Variants in APBB3 observed in about 807,000 individuals in gnomAD.
APBB3 encodes the protein amyloid beta precursor protein binding family B member 3.
In APBB3, 50 loss-of-function variants were observed where a neutral mutation model predicts 61.5. The observed-to-expected ratio is 0.81, with a 90% confidence interval of 0.65 to 1.03. The LOEUF (loss-of-function observed/expected upper bound fraction) is 1.03. Ranked by LOEUF, APBB3 falls within the 50% of genes least tolerant of loss-of-function variation. The pLI is 0.00. For synonymous variants in APBB3, 235 were observed against 233.0 expected (o/e 1.01, Z -0.08); for missense variants, 550 against 637.4 (o/e 0.86, Z 1.48).
chr5:140,562,738 A>T lies in APBB3; in HGVS notation c.291-15T>A. 6.2e-7 allele frequency: 1 copy of T among 1,614,104 alleles called. No homozygotes were observed. Among genetic ancestry groups the T allele is most frequent in the Non-Finnish European group, 8.5e-7 (1 of 1,179,936 alleles). ...ACAGAGAGTTACTGAAACAGAGCAG[A>T]GCTGTTAAGAGGACCACATTTCCTA... On this transcript the variant is annotated splice_polypyrimidine_tract_variant and intron_variant, in intron 3 of 12. Coordinates refer to ENST00000357560, the MANE Select transcript of APBB3 (RefSeq NM_133173.3).
intron 6 of APBB3, 60 bp from the exon 7 acceptor site, chr5:140,561,909 C>T (rs763819742): frequency 3.1e-6 from 5 of 1,612,980 alleles, no homozygotes; most frequent in African/African-American, 1.3e-5. Context: ...GGACTCTCCC[C>T]AAACTGTCCC....
Position 140,562,413 on chromosome 5 carries a change from A to G in APBB3, c.438T>C (p.Cys146=). The G allele has an allele frequency of 6.2e-7, 1 of 1,614,188 alleles. No homozygotes were observed. Among genetic ancestry groups the G allele is most frequent in the Non-Finnish European group, 8.5e-7 (1 of 1,180,046 alleles). ...PGKSSIAVNN[C]IQQLAQTRSR... is the part of the protein sequence containing the mutation. ...TGCGGGTCTGGGCCAGCTGCTGGAT[A>G]CAGTTATTGACTGCAATACTGCTCT... Residue 146 remains cysteine, a synonymous_variant, in exon 5 of 13, where the codon TGT becomes TGC. Coordinates refer to ENST00000357560, the MANE Select transcript of APBB3 (RefSeq NM_133173.3).
In APBB3 at chr5:140,560,243, C is replaced by G. The variant is rs962952104; in HGVS notation, c.1224+70G>C. 2 of 1,531,542 alleles carry G rather than the reference C, an allele frequency of 1.3e-6. No homozygotes were observed. Among genetic ancestry groups the G allele is most frequent in the Admixed American group, 1.9e-5 (1 of 53,270 alleles). 94.9% of individuals were successfully genotyped at this position (1,531,542 alleles called of 1,614,324 possible). On this transcript the variant is annotated intron_variant, in intron 12 of 12. Transcript: ENST00000357560. This position sits in a 1 kb window ranked among gnomAD's most constrained non-coding sequence, Gnocchi z 5.1. ...GTGATCTCTGAAGAGGCTGCCGACCCGGAGCCCAAGTAAACAGTGGAGAGC... is the reference window on the plus strand; with the variant it reads ...GTGATCTCTGAAGAGGCTGCCGACCGGGAGCCCAAGTAAACAGTGGAGAGC...
At position 140,563,785 on chromosome 5, in the gene APBB3, G is replaced by T; in HGVS notation, c.180C>A (p.Thr60=). ...GGTCCTCTGCATCTCCTAGTTCCCA[G>T]GTTGGGCGCTGCCACTGGGTGCTAC... ...PSGSTQWQRP[T]WELGDAEDPG... is the part of the protein sequence containing the mutation. Residue 60 remains threonine, a synonymous_variant, in exon 2 of 13, where the codon ACC becomes ACA. Coordinates refer to ENST00000357560, the MANE Select transcript of APBB3 (RefSeq NM_133173.3). The T allele has an allele frequency of 6.2e-7, 1 of 1,614,144 alleles. No homozygotes were observed. The highest frequency in any genetic ancestry group is 8.5e-7 in the Non-Finnish European group (1 of 1,180,024).
In APBB3 at chr5:140,560,205, T is replaced by A. The variant is rs1224103283; in HGVS notation, c.1224+108A>T. On this transcript the variant is annotated intron_variant, in intron 12 of 12. Coordinates refer to ENST00000357560, the MANE Select transcript of APBB3 (RefSeq NM_133173.3). This position sits in a 1 kb window ranked among gnomAD's most constrained non-coding sequence, Gnocchi z 5.1. ...GGGCCAAAACATTAATGAACCAGAA[T>A]CAGCCCAGGTTTGTGATCTCTGAAG... 3 of 1,255,540 alleles carry A rather than the reference T, an allele frequency of 2.4e-6. No homozygotes were observed. Among genetic ancestry groups the A allele is most frequent in the Non-Finnish European group, 3.3e-6 (3 of 906,590 alleles). 77.8% of individuals were successfully genotyped at this position (1,255,540 alleles called of 1,614,324 possible). A position where few individuals can be genotyped will look rare whatever the true frequency, so the allele number is the denominator to read the frequency against.
rs1327146355 is a variant in APBB3, at chr5:140,561,433, A to G, written c.764T>C (p.Val255Ala). 1 of 1,614,018 alleles carries G rather than the reference A, an allele frequency of 6.2e-7. No individual in the cohort carries two copies. The highest frequency in any genetic ancestry group is 8.5e-7 in the Non-Finnish European group (1 of 1,180,040). ...GLCAQILSER[V>A]EVSGDASCCS... is the part of the protein sequence containing the mutation. ...GCAAGAGGCATCACCACTGACCTCTACTCGCTCTGACAAGATCTAAAACAC... is the reference window on the plus strand; with the variant it reads ...GCAAGAGGCATCACCACTGACCTCTGCTCGCTCTGACAAGATCTAAAACAC... The change falls in exon 9 of 13, where the codon GTA becomes GCA. Residue 255 changes from valine to alanine, a missense_variant. By Grantham distance (64) the Val-to-Ala change is moderately conservative. Around this residue, in one of 3 missense-constraint regions of APBB3, gnomAD observed 405 missense variants for 483.4 expected, o/e 0.84. Coordinates refer to ENST00000357560, the MANE Select transcript of APBB3 (RefSeq NM_133173.3).
In APBB3 at chr5:140,560,312, C is replaced by A; in HGVS notation, c.1224+1G>T. On this transcript the variant is annotated splice_donor_variant, in intron 12 of 12. Transcript: ENST00000357560. LOFTEE classifies it high-confidence loss of function. The surrounding 1 kb of genome is among the most constrained non-coding windows in gnomAD (Gnocchi z 5.1). ...CCAACCCATTCCCACCCATGACTCA[C>A]CATACAGGCAGCCTGCACAGCTTCA... 3.7e-6 allele frequency: 6 copies of A among 1,611,208 alleles called. No homozygotes were observed. Among genetic ancestry groups the A allele is most frequent in the Non-Finnish European group, 4.2e-6 (5 of 1,179,062 alleles).
chr5:140,562,263 A>G (rs1754994859), intron 5 of APBB3, 36 bp from the exon 6 acceptor site: 1 of 1,613,078 alleles, frequency 6.2e-7, no homozygotes. Flanking sequence ...AGCTCAGATA[A>G]AGGTCATTGC....
At position 140,564,314 on chromosome 5, in the gene APBB3, T is replaced by A; in HGVS notation, c.-69A>T. 4 of 1,576,102 alleles carry A rather than the reference T, an allele frequency of 2.5e-6. No individual in the cohort carries two copies. In the South Asian group the frequency reaches 4.5e-5, roughly 18 times the overall value. On this transcript the variant is annotated 5_prime_UTR_variant, in exon 1 of 13. Transcript: ENST00000357560. This position sits in a 1 kb window ranked among gnomAD's most constrained non-coding sequence, Gnocchi z 5.0. The stretch of plus-strand genomic sequence containing the variant: ...AGCCCAGCGCGACCTCTGGAGCTAC[T>A]GCGCCTGCAAGCCCAGCCTCTCTGC...
intron 12 of APBB3, 48 bp from the exon 13 acceptor site, chr5:140,558,869 C>T (rs1754824619): frequency 6.4e-7 from 1 of 1,555,664 alleles, no homozygotes; most frequent in South Asian, 1.1e-5. Context: ...TGCCTCTAGA[C>T]TCCCTGAAAG....
chr5:140,558,698 G>C lies in APBB3; in HGVS notation c.1348C>G (p.Leu450Val), dbSNP rs781561764. The change falls in exon 13 of 13, where the codon CTC (leucine) becomes GTC (valine). Residue 450 changes from leucine to valine, a missense_variant. Transcript: ENST00000357560. ...SMDSPGGPLP[L>V]PLLKGGVGGA... ...CCAACCCCTCCTTTGAGCAGGGGGA[G>C]GGGCAGGGGACCTCCTGGGGAATCC... 1 of 1,611,262 alleles carries C rather than the reference G, an allele frequency of 6.2e-7. No homozygotes were observed. Among genetic ancestry groups the C allele is most frequent in the South Asian group, 1.1e-5 (1 of 90,828 alleles).
In APBB3 at chr5:140,561,068, T is replaced by C. The variant is rs767540090; in HGVS notation, c.866A>G (p.Gln289Arg). Reference protein sequence around the residue: ...ELLDAVSQAAQKYEALYMGTL... With the variant: ...ELLDAVSQAARKYEALYMGTL... The stretch of plus-strand genomic sequence containing the variant: ...CCCCATATACAGTGCCTCGTACTTC[T>C]GAGCAGCTTGGCTTACCGCATCCAG... Residue 289 changes from glutamine to arginine, a missense_variant, in exon 10 of 13, where the codon CAG becomes CGG. By Grantham distance (43) the Gln-to-Arg change is conservative. Coordinates refer to ENST00000357560, the MANE Select transcript of APBB3 (RefSeq NM_133173.3). 2.5e-6 allele frequency: 4 copies of C among 1,614,084 alleles called. No homozygotes were observed. The Admixed American group carries it at 5.0e-5, about 20-fold the overall frequency.
chr5:140,561,235 G>T, intron 9 of APBB3, 130 bp downstream of exon 9: 2 of 1,446,128 alleles, frequency 1.4e-6, no homozygotes, highest in East Asian at 2.3e-5. Context: ...TCCAACTAGT[G>T]GCTTGGGATC....
intron 12 of APBB3, among the ~76,000 whole-genome samples, chr5:140,559,236 T>C (rs1034454612): frequency 5.9e-5 from 9 of 152,126 alleles, no homozygotes; most frequent in Admixed American, 2.0e-4. Context: ...TTTCCATCTC[T>C]CACTGGTGGG....
In APBB3 at chr5:140,558,640, A is replaced by G; in HGVS notation, c.1406T>C (p.Val469Ala). 1 of 1,614,064 alleles carries G rather than the reference A, an allele frequency of 6.2e-7. No homozygotes were observed. Among genetic ancestry groups the G allele is most frequent in the Non-Finnish European group, 8.5e-7 (1 of 1,180,010 alleles). Residue 469 changes from valine (V) to alanine (A), a missense_variant, in exon 13 of 13, where the codon GTC (valine) becomes GCC (alanine). By Grantham distance (64) the Val-to-Ala change is moderately conservative. This residue lies in a region of APBB3 where 138 missense variants were observed against 132.6 expected (regional missense o/e 1.04). Transcript: ENST00000357560. Reference sequence around the variant, plus strand: ...CCGGAAGGCATCAAGAAAAGAGAAGACACCCCGCTTTCGAGGGGTTGCCCC... The same window carrying G: ...CCGGAAGGCATCAAGAAAAGAGAAGGCACCCCGCTTTCGAGGGGTTGCCCC... ...GAGATPRKRG[V>A]FSFLDAFRLK...
chr5:140,563,879 GCCT>G lies in APBB3; in HGVS notation c.83_85del (p.Glu28del). On this transcript the variant is annotated inframe_deletion, in exon 2 of 13. Transcript: ENST00000357560. ...CTTCCTCCAGCCAGGAGGCAGGCCA[GCCT>G]CCACCTCCAGACTGTGGTCCCCCCA... 6.2e-7 allele frequency: 1 copy of G among 1,614,076 alleles called. No homozygotes were observed. The highest frequency in any genetic ancestry group is 8.5e-7 in the Non-Finnish European group (1 of 1,180,012).
intron 3 of APBB3, chr5:140,562,931 C>G: frequency 1.7e-6 from 1 of 578,980 alleles, no homozygotes. Flanking sequence ...GACATAGGAC[C>G]CAGACACAGG....
In APBB3 at chr5:140,563,855, T is replaced by C; in HGVS notation, c.110A>G (p.Lys37Arg). The change falls in exon 2 of 13, where the codon AAG (lysine) becomes AGG (arginine). Residue 37 changes from lysine to arginine, a missense_variant. Lys to Arg is a conservative substitution (Grantham distance 26). Coordinates refer to ENST00000357560, the MANE Select transcript of APBB3 (RefSeq NM_133173.3). ...GTAAGTACCTGCAGCATCGTGGATC[T>C]TCCTCCAGCCAGGAGGCAGGCCAGC... ...VEAGLPPGWR[K>R]IHDAAGTYYW... The C allele has an allele frequency of 6.2e-7, 1 of 1,614,184 alleles. No homozygotes were observed. Among genetic ancestry groups the C allele is most frequent in the Non-Finnish European group, 8.5e-7 (1 of 1,180,028 alleles).
intron 12 of APBB3, among the ~76,000 whole-genome samples, chr5:140,559,590 C>A (rs1403357606): frequency 6.6e-6 from 1 of 152,230 alleles, no homozygotes; most frequent in African/African-American, 2.4e-5. Context: ...ACACTAGATT[C>A]TTTCAGATAC....
Sources: gnomAD v4.1 joint callset for allele counts (sites outside exome capture counted in the v4.1 genomes callset) on GRCh38, gnomAD v4.1.1 for gene constraint, gnomAD v4.1.1 regional missense constraint, Gnocchi (gnomAD v3.1) non-coding constraint, MANE v1.5 for transcripts, NCBI Gene and HGNC (gene_info 2026-07-23, HGNC 2026-07-21) for gene names.